The following CA1 variants were observed in gnomAD, a reference collection of about 807,000 sequenced individuals.
CA1 encodes the protein carbonic anhydrase 1, also known as carbonate dehydratase I.
CA1 carries 27 observed loss-of-function variants against 28.8 expected under a neutral mutation model. The observed-to-expected ratio is 0.94, with a 90% CI of 0.69 to 1.29. The LOEUF (loss-of-function observed/expected upper bound fraction) is 1.29. CA1 is among the 50% of genes most tolerant of loss of function. CA1 has a pLI of 0.00. For synonymous variants in CA1, 121 were observed against 108.8 expected (o/e 1.11, Z -0.70); for missense variants, 335 against 310.5 (o/e 1.08, Z -0.59).
chr8:85,354,950 C>CCCA (rs1224452021), intron 1 of CA1, among the ~76,000 whole-genome samples: 11 of 152,138 alleles, frequency 7.2e-5, no homozygotes, highest in Non-Finnish European at 1.5e-4. Context: ...GGACCTTAGC[C>CCCA]CCAGTCTTCC....
chr8:85,364,520 A>T (rs1007934728), intron 1 of CA1, among the ~76,000 whole-genome samples: 4 of 152,248 alleles, frequency 2.6e-5, no homozygotes, highest in Admixed American at 6.5e-5. Context: ...TATTGGAATG[A>T]ATAAGCAAGT....
chr8:85,373,121 G>GA (rs1458605320), intron 1 of CA1, among the ~76,000 whole-genome samples: 7 of 152,170 alleles, frequency 4.6e-5, no homozygotes, highest in African/African-American at 1.7e-4. Context: ...TGTGAAGGAG[G>GA]AAAAAGAAAT....
rs371254652 is a variant in CA1, at chr8:85,329,864, C to A, written c.514-20G>T. On this transcript the variant is annotated intron_variant, in intron 6 of 7. Coordinates refer to ENST00000523022, the MANE Select transcript of CA1 (RefSeq NM_001128831.4). ...TTTGCCCTGGAAGAAAAGAATACATCATTACAGCATGATATAAAATACTTA... is the reference window on the plus strand; with the variant it reads ...TTTGCCCTGGAAGAAAAGAATACATAATTACAGCATGATATAAAATACTTA... 20 of 1,551,410 alleles carry A rather than the reference C, an allele frequency of 1.3e-5. No homozygotes were observed. The African/African-American group carries it at 2.7e-4, about 21-fold the overall frequency.
chr8:85,368,973 C>T (rs1810117224), intron 1 of CA1, among the ~76,000 whole-genome samples: 1 of 151,726 alleles, frequency 6.6e-6, no homozygotes, highest in Non-Finnish European at 1.5e-5. Flanking sequence ...CAGGGAGGCT[C>T]GAAAAAAGCT....
intron 1 of CA1, among the ~76,000 whole-genome samples, chr8:85,346,016 C>G (rs1168122526): frequency 6.6e-6 from 1 of 152,110 alleles, no homozygotes; most frequent in South Asian, 2.1e-4. Context: ...TGTCTTGGAA[C>G]ATTTTATTTT....
At chr8:85,364,859 T>C (rs1341877554) in intron 1 of CA1, among the ~76,000 whole-genome samples, 1 of 152,212 alleles carries the variant, frequency 6.6e-6, no homozygotes, top group Non-Finnish European at 1.5e-5. Flanking sequence ...CAAATTAACT[T>C]GAGCATTATC....
chr8:85,334,401 T>G (rs1323760223), intron 4 of CA1, among the ~76,000 whole-genome samples: 1 of 152,180 alleles, frequency 6.6e-6, no homozygotes, highest in East Asian at 1.9e-4. Flanking sequence ...AGCTTCTAAT[T>G]TTCTCTGGAA....
Position 85,347,414 on chromosome 8 carries a change from A to G in CA1, c.-24-5755T>C, listed in dbSNP as rs1409103838. ...TAGATGACTCCACCCTCACAATCTA[A>G]TTACCAAGAGGTGTATTTCAGTGAA... On this transcript the variant is annotated intron_variant, in intron 1 of 7. Coordinates refer to ENST00000523022, the MANE Select transcript of CA1 (RefSeq NM_001128831.4). Among the ~76,000 whole-genome samples, 10 of 152,192 alleles carry G rather than the reference A, an allele frequency of 6.6e-5. No individual in the cohort carries two copies. In the East Asian group the frequency reaches 1.9e-3, roughly 29 times the overall value.
At chr8:85,360,925 C>T (rs553925713) in intron 1 of CA1, among the ~76,000 whole-genome samples, 1 of 152,196 alleles carries the variant, frequency 6.6e-6, no homozygotes, top group Non-Finnish European at 1.5e-5. Context: ...TCTGCCATCA[C>T]CATTTCTCTC....
At chr8:85,346,388 A>G (rs969167985) in intron 1 of CA1, among the ~76,000 whole-genome samples, 1 of 152,224 alleles carries the variant, frequency 6.6e-6, no homozygotes, top group Non-Finnish European at 1.5e-5. Context: ...GAAATTAATG[A>G]GTCTTATAGA....
chr8:85,335,250 A>G (rs558318735), intron 4 of CA1, among the ~76,000 whole-genome samples: 1 of 152,122 alleles, frequency 6.6e-6, no homozygotes, highest in African/African-American at 2.4e-5. Flanking sequence ...ACAATAATTT[A>G]TGCCTATACT....
chr8:85,338,788 A>C (rs1222311751), intron 2 of CA1, among the ~76,000 whole-genome samples: 5 of 141,550 alleles, frequency 3.5e-5, no homozygotes, highest in African/African-American at 1.3e-4. Flanking sequence ...CTCTTGGCTC[A>C]CTGCAACCTC....
chr8:85,363,551 G>A (rs1398291183), intron 1 of CA1, among the ~76,000 whole-genome samples: 1 of 152,186 alleles, frequency 6.6e-6, no homozygotes, highest in Non-Finnish European at 1.5e-5. Flanking sequence ...TCAAAGGTAA[G>A]GGTCCAGGCC....
chr8:85,351,435 G>GA (rs1416515906), intron 1 of CA1, among the ~76,000 whole-genome samples: 2 of 152,186 alleles, frequency 1.3e-5, no homozygotes, highest in Non-Finnish European at 2.9e-5. Context: ...TTGCAGAAAA[G>GA]AAAAATAGGG....
chr8:85,341,727 T>G, intron 1 of CA1, 68 bp from the exon 2 acceptor site: 1 of 854,458 alleles, frequency 1.2e-6, no homozygotes, highest in South Asian at 1.4e-5. Flanking sequence ...CTTAAATCCC[T>G]GCTTGGGCGT....
chr8:85,333,783 A>T (rs1461049852), intron 4 of CA1, among the ~76,000 whole-genome samples, 163 bp from the exon 5 acceptor site: 2 of 152,232 alleles, frequency 1.3e-5, no homozygotes, highest in Non-Finnish European at 2.9e-5. Context: ...TCTCACTCGT[A>T]GGAAGGGTTA....
rs931952237 is a variant in CA1, at chr8:85,364,989, C to T, written c.-25+13057G>A. Reference sequence around the variant, plus strand: ...GCCGCTTGGCTCTGGAGGCAGCCCTCTGCTCTCCCTCTGTGGGCAAGAGGT... The same window carrying T: ...GCCGCTTGGCTCTGGAGGCAGCCCTTTGCTCTCCCTCTGTGGGCAAGAGGT... On this transcript the variant is annotated intron_variant, in intron 1 of 7. Coordinates refer to ENST00000523022, the MANE Select transcript of CA1 (RefSeq NM_001128831.4). 3.8e-4 allele frequency among the ~76,000 whole-genome samples: 57 copies of T among 148,348 alleles called. 1 individual carries two copies. Among genetic ancestry groups the T allele is most frequent in the African/African-American group, 1.3e-3 (54 of 41,318 alleles).
intron 1 of CA1, among the ~76,000 whole-genome samples, chr8:85,364,953 C>T (rs970562704): frequency 6.6e-6 from 1 of 152,166 alleles, no homozygotes; most frequent in African/African-American, 2.4e-5. Context: ...ACGGTACTGG[C>T]AGCAACAGCT....
chr8:85,371,019 C>T (rs112559826), intron 1 of CA1, among the ~76,000 whole-genome samples: 3,855 of 152,198 alleles, frequency 0.025, 172 homozygotes, highest in African/African-American at 0.088. Context: ...ATCTGAATGC[C>T]TCTCTGAATA....
Sources: allele counts gnomAD v4.1 joint callset (sites outside exome capture counted in the v4.1 genomes callset), GRCh38; gene constraint gnomAD v4.1.1; transcripts MANE v1.5; gene names NCBI Gene and HGNC (gene_info 2026-07-23, HGNC 2026-07-21).